JAZF1: variants seen among roughly 807,000 people sequenced by gnomAD.
JAZF1 encodes JAZF zinc finger 1, also known as juxtaposed with another zinc finger protein 1.
In JAZF1, 8 loss-of-function variants were observed where a neutral mutation model predicts 26.4. The ratio of observed to expected loss-of-function variants is 0.30; its 90% CI spans 0.18 to 0.55. JAZF1 has a LOEUF of 0.55. JAZF1 is among the 20% of genes least tolerant of loss of function. The pLI is 0.94. For missense variants in JAZF1, 199 were observed against 322.0 expected (o/e 0.62, Z 2.92); for synonymous variants, 126 against 122.3 (o/e 1.03, Z -0.20).
intron 2 of JAZF1, among the ~76,000 whole-genome samples, chr7:27,978,674 CA>C (rs941435752): frequency 1.3e-5 from 2 of 152,134 alleles, no homozygotes; most frequent in African/African-American, 4.8e-5. Flanking sequence ...TCAGATGCTT[CA>C]AGAAAAAGTG....
chr7:28,079,776 T>C (rs989482197), intron 1 of JAZF1, among the ~76,000 whole-genome samples: 10 of 152,200 alleles, frequency 6.6e-5, no homozygotes, highest in African/African-American at 2.4e-4. Context: ...CAACATCCAA[T>C]ATGCTGTTAA....
intron 2 of JAZF1, among the ~76,000 whole-genome samples, chr7:27,985,816 C>T (rs1276560510): frequency 6.6e-6 from 1 of 152,186 alleles, no homozygotes; most frequent in Non-Finnish European, 1.5e-5. Flanking sequence ...AATCAATAAA[C>T]GTAATCCATC....
chr7:28,094,977 C>CACCCCAG (rs1419328760), intron 1 of JAZF1, among the ~76,000 whole-genome samples: 9 of 152,220 alleles, frequency 5.9e-5, no homozygotes, highest in Non-Finnish European at 1.0e-4. Flanking sequence ...GAAAAACTGG[C>CACCCCAG]ACCCCAGAGA....
At chr7:27,918,134 C>A (rs1989908) in intron 2 of JAZF1, among the ~76,000 whole-genome samples, 1 of 151,926 alleles carries the variant, frequency 6.6e-6, no homozygotes, top group Non-Finnish European at 1.5e-5. Flanking sequence ...GCAGAGTAAG[C>A]AAAAAATAAA....
At chr7:28,029,693 G>T (rs1294103516) in intron 1 of JAZF1, among the ~76,000 whole-genome samples, 1 of 152,158 alleles carries the variant, frequency 6.6e-6, no homozygotes, top group Non-Finnish European at 1.5e-5. Context: ...TAAATGTTTA[G>T]ATCTTTTCTT....
At chr7:28,110,493 G>GA (rs377331376) in intron 1 of JAZF1, among the ~76,000 whole-genome samples, 5,770 of 38,970 alleles carry the variant, frequency 0.15, 608 homozygotes, top group Non-Finnish European at 0.2. Flanking sequence ...GAAAGGAAAG[G>GA]AAAGGAAAGG....
chr7:27,988,430 A>C (rs1325860162), intron 2 of JAZF1, among the ~76,000 whole-genome samples: 2 of 149,436 alleles, frequency 1.3e-5, no homozygotes, highest in African/African-American at 5.0e-5. Flanking sequence ...GCTGAAGTGC[A>C]GTGGTGCCAT....
At chr7:27,938,502 G>A (rs1215856289) in intron 2 of JAZF1, among the ~76,000 whole-genome samples, 1 of 152,164 alleles carries the variant, frequency 6.6e-6, no homozygotes, top group Non-Finnish European at 1.5e-5. Flanking sequence ...CACCTCACTG[G>A]TGCTACAGCC....
At chr7:28,034,975 C>A (rs950615517) in intron 1 of JAZF1, among the ~76,000 whole-genome samples, 2 of 152,126 alleles carry the variant, frequency 1.3e-5, no homozygotes, top group Admixed American at 1.3e-4. Context: ...GAAGCTAAGA[C>A]ATGAAGGCTG....
At chr7:27,984,774 A>G (rs569660625) in intron 2 of JAZF1, among the ~76,000 whole-genome samples, 1 of 152,370 alleles carries the variant, frequency 6.6e-6, no homozygotes, top group East Asian at 1.9e-4. Context: ...CAGTGCAATC[A>G]AACTAGAACT....
In JAZF1 at chr7:27,895,435, G is replaced by T; in HGVS notation, c.189-19C>A. ...CATGAATCTGAAACAATAATGGAAG[G>T]TAAGGAACCTGGGCCATGTATAGAG... On this transcript the variant is annotated intron_variant, in intron 2 of 4. Transcript: ENST00000283928. The T allele has an allele frequency of 6.4e-7, 1 of 1,567,654 alleles. No homozygotes were observed. The highest frequency in any genetic ancestry group is 8.7e-7 in the Non-Finnish European group (1 of 1,153,338).
At chr7:28,110,505 A>AAGGAAAGGG (rs1784632952) in intron 1 of JAZF1, among the ~76,000 whole-genome samples, 1 of 74,904 alleles carries the variant, frequency 1.3e-5, no homozygotes, top group African/African-American at 8.3e-5. Context: ...AAGGAAAGGA[A>AAGGAAAGGG]AAGGAAAGGA....
At chr7:28,167,930 G>A (rs771098540) in intron 1 of JAZF1, among the ~76,000 whole-genome samples, 1 of 152,124 alleles carries the variant, frequency 6.6e-6, no homozygotes, top group Non-Finnish European at 1.5e-5. Flanking sequence ...AGGAAGCAAT[G>A]GTATACAAGG....
At chr7:27,838,273 A>G (rs1426180949) in intron 4 of JAZF1, among the ~76,000 whole-genome samples, 2 of 152,168 alleles carry the variant, frequency 1.3e-5, no homozygotes, top group African/African-American at 4.8e-5. Flanking sequence ...TGAGGAAAAC[A>G]TTATTTTTTC....
chr7:27,899,343 GGT>G (rs1784126540), intron 2 of JAZF1, among the ~76,000 whole-genome samples: 1 of 152,212 alleles, frequency 6.6e-6, no homozygotes. Context: ...GCTGAGTTCA[GGT>G]TAAGCAAGTC....
intron 1 of JAZF1, among the ~76,000 whole-genome samples, chr7:28,132,362 G>A (rs1436630133): frequency 6.6e-6 from 1 of 152,168 alleles, no homozygotes; most frequent in Non-Finnish European, 1.5e-5. Flanking sequence ...AGAAGAGGGA[G>A]CAAAGACTGT....
rs113427075 is a variant in JAZF1, at chr7:27,887,116, G to A, written c.385+8104C>T. Among the ~76,000 whole-genome samples, 207 of 152,204 alleles carry A rather than the reference G, an allele frequency of 1.4e-3. 1 individual carries two copies. Among genetic ancestry groups the A allele is most frequent in the African/African-American group, 4.6e-3 (193 of 41,518 alleles). The stretch of plus-strand genomic sequence containing the variant: ...GAAATTATACATACTGGGGCCTTTC[G>A]GAGGGTGGAGGGTAAAGGGTGGGAG... On this transcript the variant is annotated intron_variant, in intron 3 of 4. Transcript: ENST00000283928.
At chr7:27,897,898 C>G (rs1784098243) in intron 2 of JAZF1, among the ~76,000 whole-genome samples, 1 of 152,184 alleles carries the variant, frequency 6.6e-6, no homozygotes, top group Non-Finnish European at 1.5e-5. Flanking sequence ...ATCTGTGAGT[C>G]TGAATGTTCA....
intron 2 of JAZF1, among the ~76,000 whole-genome samples, chr7:27,929,614 G>C (rs1330573182): frequency 6.6e-6 from 1 of 152,214 alleles, no homozygotes; most frequent in Non-Finnish European, 1.5e-5. Context: ...TTAGGCATGA[G>C]CTGTGTGACT....
Sources: gnomAD v4.1 joint callset for allele counts (sites outside exome capture counted in the v4.1 genomes callset) on GRCh38, gnomAD v4.1.1 for gene constraint, MANE v1.5 for transcripts, NCBI Gene and HGNC (gene_info 2026-07-23, HGNC 2026-07-21) for gene names.